PATJ: variants seen among roughly 807,000 people sequenced by gnomAD.
The protein encoded by PATJ is PATJ crumbs cell polarity complex component.
Under a neutral mutation model 224.9 loss-of-function variants are expected in PATJ, and 190 were observed. The observed-to-expected ratio is 0.84, with a 90% CI of 0.75 to 0.95. The LOEUF is 0.95. Among genes scored for constraint, PATJ ranks in the 40% least tolerant of loss-of-function variants. The probability of loss-of-function intolerance (pLI) is 0.00; values close to 1 mark genes in which losing one functional copy is unlikely to be tolerated. For synonymous variants in PATJ, 769 were observed against 820.3 expected (o/e 0.94, Z 1.07); for missense variants, 2,121 against 2,270.3 (o/e 0.93, Z 1.34).
At chr1:62,096,397 A>T (rs1404769617) in intron 33 of PATJ, among the ~76,000 whole-genome samples, 1 of 152,152 alleles carries the variant, frequency 6.6e-6, no homozygotes, top group African/African-American at 2.4e-5. Context: ...ACCAAGAAAA[A>T]TCAAAATGTC....
intron 28 of PATJ, among the ~76,000 whole-genome samples, chr1:62,014,562 C>CTTTTTTTTTTTTTTTTTTTTTTTTT (rs35711547): frequency 1.2e-5 from 1 of 84,518 alleles, no homozygotes. Context: ...CTTTTCTTTC[C>CTTTTTTTTTTTTTTTTTTTTTTTTT]TTTTTTTTTT....
At chr1:61,979,841 C>T (rs1236846630) in intron 27 of PATJ, among the ~76,000 whole-genome samples, 2 of 151,860 alleles carry the variant, frequency 1.3e-5, no homozygotes, top group African/African-American at 2.4e-5. Context: ...CTAATGGTAA[C>T]GAACTAGGAG....
intron 14 of PATJ, among the ~76,000 whole-genome samples, chr1:61,817,381 G>A (rs1656325666): frequency 6.6e-6 from 1 of 152,034 alleles, no homozygotes; most frequent in South Asian, 2.1e-4. Context: ...ATTTTGGAGG[G>A]GACCGGGAGC....
chr1:62,022,664 A>G (rs985777389), intron 29 of PATJ, among the ~76,000 whole-genome samples: 6 of 152,188 alleles, frequency 3.9e-5, no homozygotes, highest in African/African-American at 9.6e-5. Context: ...ATTGAATGTC[A>G]TGTATAACAA....
intron 26 of PATJ, among the ~76,000 whole-genome samples, chr1:61,925,712 C>T (rs1675092855): frequency 6.6e-6 from 1 of 152,286 alleles, no homozygotes; most frequent in South Asian, 2.1e-4. Context: ...AAAATAAAAA[C>T]ATGACTGAAA....
intron 6 of PATJ, among the ~76,000 whole-genome samples, chr1:61,774,012 C>T (rs12047453): frequency 0.24 from 35,605 of 147,654 alleles, 4,335 homozygotes; most frequent in East Asian, 0.43. Context: ...CCCAGCTACT[C>T]GGGAGGCTGA....
intron 33 of PATJ, among the ~76,000 whole-genome samples, chr1:62,101,346 C>T (rs1164914022): frequency 6.8e-6 from 1 of 146,182 alleles, no homozygotes; most frequent in African/African-American, 2.5e-5. Flanking sequence ...TCACTGCAAA[C>T]TCTGCCTCCC....
intron 21 of PATJ, among the ~76,000 whole-genome samples, chr1:61,876,112 G>C (rs1056097378): frequency 1.3e-5 from 2 of 152,052 alleles, no homozygotes; most frequent in Non-Finnish European, 2.9e-5. Context: ...AGGGGAGAGA[G>C]GGCTGTAGAA....
intron 7 of PATJ, among the ~76,000 whole-genome samples, chr1:61,778,678 A>G (rs905193326): frequency 6.6e-6 from 1 of 152,060 alleles, no homozygotes. Flanking sequence ...TAAAAATATT[A>G]AACAGTCCCA....
At chr1:61,805,349 T>C in intron 12 of PATJ, 99 bp from the exon 13 acceptor site, 1 of 735,540 alleles carries the variant, frequency 1.4e-6, no homozygotes, top group East Asian at 2.5e-5. Context: ...CTTTACTTAC[T>C]GAAACTGGGC....
At chr1:61,851,649 ATGATCACCT>A (rs1662824151) in intron 17 of PATJ, among the ~76,000 whole-genome samples, 1 of 152,224 alleles carries the variant, frequency 6.6e-6, no homozygotes, top group South Asian at 2.1e-4. Context: ...AGGAGGAATT[ATGATCACCT>A]TTTTATTTTT....
chr1:61,770,641 G>C (rs898508820), intron 5 of PATJ, among the ~76,000 whole-genome samples: 12 of 152,186 alleles, frequency 7.9e-5, no homozygotes, highest in African/African-American at 2.9e-4. Flanking sequence ...GCTTGGGAGA[G>C]ATTAAAAGGG....
chr1:61,981,921 G>A (rs1213039160), intron 27 of PATJ, among the ~76,000 whole-genome samples: 1 of 152,044 alleles, frequency 6.6e-6, no homozygotes, highest in Non-Finnish European at 1.5e-5. Flanking sequence ...CACCCGCCTT[G>A]GCCTCCCAAA....
chr1:61,767,058 A>T (rs1646324572), intron 4 of PATJ, among the ~76,000 whole-genome samples: 1 of 152,080 alleles, frequency 6.6e-6, no homozygotes, highest in Non-Finnish European at 1.5e-5. Flanking sequence ...GCGCCACTGT[A>T]CTCCAGCCTG....
At chr1:62,083,869 C>A (rs1021229310) in intron 32 of PATJ, among the ~76,000 whole-genome samples, 21 of 152,140 alleles carry the variant, frequency 1.4e-4, no homozygotes, top group African/African-American at 4.8e-4. Context: ...TTATACCAGC[C>A]TTTATTCTCA....
chr1:61,996,297 T>C (rs528661704), intron 28 of PATJ, among the ~76,000 whole-genome samples: 1 of 152,342 alleles, frequency 6.6e-6, no homozygotes, highest in African/African-American at 2.4e-5. Context: ...GGCCCAGGTA[T>C]ACATGCAGCT....
chr1:61,949,080 C>T (rs2498958), intron 27 of PATJ, among the ~76,000 whole-genome samples: 4 of 127,600 alleles, frequency 3.1e-5, no homozygotes, highest in Non-Finnish European at 4.8e-5. Context: ...CGGCGGGGAG[C>T]GGGGAGGGAT....
At chr1:61,821,200 A>G (rs1657197249) in intron 14 of PATJ, among the ~76,000 whole-genome samples, 1 of 152,018 alleles carries the variant, frequency 6.6e-6, no homozygotes, top group South Asian at 2.1e-4. Flanking sequence ...GCCTGCCACC[A>G]TGCCCGGCTA....
At chr1:62,094,636 G>A (rs994083001) in intron 33 of PATJ, among the ~76,000 whole-genome samples, 5 of 151,476 alleles carry the variant, frequency 3.3e-5, no homozygotes, top group South Asian at 2.1e-4. Context: ...TTCTTCTAGT[G>A]TAAGTGAGTA....
Sources: gnomAD v4.1 joint callset for allele counts (sites outside exome capture counted in the v4.1 genomes callset) on GRCh38, gnomAD v4.1.1 for gene constraint, MANE v1.5 for transcripts, NCBI Gene and HGNC (gene_info 2026-07-23, HGNC 2026-07-21) for gene names.